The following CATSPER3 variants were observed in gnomAD, a reference collection of about 807,000 sequenced individuals.
CATSPER3 encodes the protein cation channel sperm-associated protein 3.
CATSPER3 carries 23 observed loss-of-function variants against 36.6 expected under a neutral mutation model. The ratio of observed to expected loss-of-function variants is 0.63; its 90% confidence interval spans 0.45 to 0.89. The LOEUF is 0.89. Ranked by LOEUF, CATSPER3 falls within the 40% of genes least tolerant of loss-of-function variation. CATSPER3 has a pLI of 0.00. For missense variants in CATSPER3, 474 were observed against 503.9 expected (o/e 0.94, Z 0.57); for synonymous variants, 172 against 184.1 (o/e 0.93, Z 0.53).
chr5:134,997,454 A>G lies in CATSPER3; in HGVS notation c.492+942A>G, dbSNP rs935166847. Among the ~76,000 whole-genome samples, 29 of 152,272 alleles carry G rather than the reference A, an allele frequency of 1.9e-4. 1 individual carries two copies. The highest frequency in any genetic ancestry group is 6.5e-4 in the African/African-American group (27 of 41,546). On this transcript the variant is annotated intron_variant, in intron 3 of 7. Transcript: ENST00000282611. ...CTCTTCATGGCGAACCTTCTGGGGA[A>G]AGGTGTCTGTACTTCCAGTCCCACT...
At chr5:134,971,664 G>A (rs947413470) in intron 2 of CATSPER3, among the ~76,000 whole-genome samples, 2 of 152,184 alleles carry the variant, frequency 1.3e-5, no homozygotes, top group Non-Finnish European at 2.9e-5. Context: ...TAGATCAAGA[G>A]GTTCCTGGTA....
intron 1 of CATSPER3, 66 bp downstream of exon 1, chr5:134,968,155 C>CA: frequency 8.9e-7 from 1 of 1,121,308 alleles, no homozygotes; most frequent in Non-Finnish European, 1.4e-6. Context: ...GGCAGGGTGT[C>CA]AGTGTTCTCT....
In CATSPER3 at chr5:135,005,177, G is replaced by A. The variant is rs201359430; in HGVS notation, c.493-2780G>A. On this transcript the variant is annotated intron_variant, in intron 3 of 7. Coordinates refer to ENST00000282611, the MANE Select transcript of CATSPER3 (RefSeq NM_178019.3). ...GCACTTGCTGCTGGCTTAGTGCACC[G>A]TCTTGGCTGTATTGTGGCAGCCTGA... 6.6e-5 allele frequency among the ~76,000 whole-genome samples: 10 copies of A among 152,310 alleles called. 1 individual carries two copies. In the South Asian group the frequency reaches 1.0e-3, roughly 16 times the overall value.
At chr5:134,992,499 TG>T (rs879465780) in intron 2 of CATSPER3, among the ~76,000 whole-genome samples, 1 of 151,912 alleles carries the variant, frequency 6.6e-6, no homozygotes, top group Non-Finnish European at 1.5e-5. Context: ...CCGAAGCGGG[TG>T]GATCAGTTGA....
chr5:134,987,404 A>G (rs1291336508), intron 2 of CATSPER3, among the ~76,000 whole-genome samples: 1 of 152,238 alleles, frequency 6.6e-6, no homozygotes, highest in Admixed American at 6.5e-5. Context: ...TCTACCAGTC[A>G]TTTAAGGAAA....
intron 2 of CATSPER3, among the ~76,000 whole-genome samples, chr5:134,983,862 G>A (rs1751777185): frequency 6.6e-6 from 1 of 152,150 alleles, no homozygotes; most frequent in Non-Finnish European, 1.5e-5. Context: ...AAGTCTGGAA[G>A]CATCACATTA....
At chr5:134,977,988 A>C (rs892188546) in intron 2 of CATSPER3, among the ~76,000 whole-genome samples, 1 of 152,108 alleles carries the variant, frequency 6.6e-6, no homozygotes, top group Admixed American at 6.6e-5. Flanking sequence ...CTCACTTATC[A>C]CCAATGGAAT....
At chr5:134,995,979 G>A (rs1751940100) in intron 2 of CATSPER3, 1 of 475,668 alleles carries the variant, frequency 2.1e-6, no homozygotes, top group Non-Finnish European at 3.9e-6. Context: ...CTTATATTCA[G>A]GTTGAGTTGC....
At chr5:135,004,532 A>G (rs954048155) in intron 3 of CATSPER3, among the ~76,000 whole-genome samples, 10 of 152,300 alleles carry the variant, frequency 6.6e-5, no homozygotes, top group African/African-American at 1.9e-4. Flanking sequence ...TCATGGTCAG[A>G]TGGGCACCCC....
intron 3 of CATSPER3, among the ~76,000 whole-genome samples, chr5:135,000,381 C>T (rs916080938): frequency 6.6e-6 from 1 of 152,110 alleles, no homozygotes; most frequent in African/African-American, 2.4e-5. Context: ...CTAAAATTCT[C>T]TTTTTTTGTT....
At chr5:134,985,530 A>G (rs978095299) in intron 2 of CATSPER3, among the ~76,000 whole-genome samples, 2 of 152,092 alleles carry the variant, frequency 1.3e-5, no homozygotes, top group Non-Finnish European at 2.9e-5. Flanking sequence ...AGTAGTGTAC[A>G]TTGCACCTAA....
In CATSPER3 at chr5:135,009,417, A is replaced by C; in HGVS notation, c.863A>C (p.Glu288Ala). 1.2e-6 allele frequency: 2 copies of C among 1,611,546 alleles called. No individual in the cohort carries two copies. Among genetic ancestry groups the C allele is most frequent in the South Asian group, 2.2e-5 (2 of 91,040 alleles). The change falls in exon 6 of 8, where the codon GAG (glutamate) becomes GCG (alanine). Residue 288 changes from glutamate to alanine, a missense_variant. Transcript: ENST00000282611. ...CGAGAGCTGATGTTGGAGCAGCAGG[A>C]GATGCTCATGGGAGAGAAGCAGGTG... ...FERELMLEQQ[E>A]MLMGEKQVIL...
At chr5:135,006,040 G>T (rs951575257) in intron 3 of CATSPER3, among the ~76,000 whole-genome samples, 1 of 152,156 alleles carries the variant, frequency 6.6e-6, no homozygotes, top group African/African-American at 2.4e-5. Flanking sequence ...AAGAATTTGG[G>T]AATTCAAAAT....
rs1443021931 is a variant in CATSPER3, at chr5:134,970,008, G to A, written c.168G>A (p.Met56Ile). The change falls in exon 2 of 8, where the codon ATG becomes ATA. Residue 56 changes from methionine to isoleucine, a missense_variant. Transcript: ENST00000282611. ...TGAGCCGTTTCTTTAAGATAATTAT[G>A]ATTAGCACTGTCACATCGAATGCGT... ...VIMSRFFKII[M>I]ISTVTSNAFF... The A allele has an allele frequency of 6.2e-7, 1 of 1,613,914 alleles. No individual in the cohort carries two copies. The highest frequency in any genetic ancestry group is 1.6e-4 in the Middle Eastern group (1 of 6,062).
At chr5:134,975,619 A>G (rs1751664297) in intron 2 of CATSPER3, among the ~76,000 whole-genome samples, 1 of 152,218 alleles carries the variant, frequency 6.6e-6, no homozygotes, top group Admixed American at 6.5e-5. Context: ...TCTCTTATTA[A>G]AAGACAACAA....
chr5:134,984,879 G>T (rs570649334), intron 2 of CATSPER3, among the ~76,000 whole-genome samples: 73 of 151,922 alleles, frequency 4.8e-4, no homozygotes, highest in Middle Eastern at 3.4e-3. Context: ...GCAGTGAGAG[G>T]CACGATCTCA....
chr5:135,003,423 C>T (rs1752046833), intron 3 of CATSPER3, among the ~76,000 whole-genome samples: 1 of 152,346 alleles, frequency 6.6e-6, no homozygotes, highest in Middle Eastern at 3.4e-3. Context: ...AGGAGGCAGT[C>T]TGTCCATTCT....
At chr5:135,010,730 G>A (rs1222082337) in intron 7 of CATSPER3, among the ~76,000 whole-genome samples, 200 bp downstream of exon 7, 1 of 152,124 alleles carries the variant, frequency 6.6e-6, no homozygotes, top group Non-Finnish European at 1.5e-5. Context: ...TGGCTGGGGG[G>A]AATCTGCCCC....
intron 2 of CATSPER3, 123 bp from the exon 3 acceptor site, chr5:134,996,150 C>T: frequency 8.2e-7 from 1 of 1,226,664 alleles, no homozygotes; most frequent in South Asian, 1.2e-5. Context: ...GAAACTCTGC[C>T]TGGGTTTCTC....
Sources: allele counts gnomAD v4.1 joint callset (sites outside exome capture counted in the v4.1 genomes callset), GRCh38; gene constraint gnomAD v4.1.1; transcripts MANE v1.5; gene names NCBI Gene and HGNC (gene_info 2026-07-23, HGNC 2026-07-21).